Variants in PPP2R2C observed in about 807,000 individuals in gnomAD.
The protein encoded by PPP2R2C is protein phosphatase 2, regulatory subunit B, gamma.
A neutral mutation model predicts 45.3 loss-of-function variants in PPP2R2C; 10 were observed. The ratio of observed to expected loss-of-function variants is 0.22; its 90% confidence interval spans 0.14 to 0.37. PPP2R2C has a LOEUF of 0.37. Among genes scored for constraint, PPP2R2C ranks in the 10% least tolerant of loss-of-function variants. The pLI is 1.00. For missense variants in PPP2R2C, 308 were observed against 619.7 expected, an observed-to-expected ratio of 0.50 and a Z score of 5.34; for synonymous variants, 257 against 245.4, an observed-to-expected ratio of 1.05 and a Z score of -0.44.
At chr4:6,343,088 A>G (rs560347110) in intron 6 of PPP2R2C, among the ~76,000 whole-genome samples, 1 of 152,338 alleles carries the variant, frequency 6.6e-6, no homozygotes, top group Non-Finnish European at 1.5e-5. Flanking sequence ...AATCCCTTTT[A>G]AAAAATTAGC....
chr4:6,493,956 T>G (rs1282907550), intron 2 of PPP2R2C, among the ~76,000 whole-genome samples: 1 of 152,244 alleles, frequency 6.6e-6, no homozygotes, highest in African/African-American at 2.4e-5. Flanking sequence ...TGCGTTGGCC[T>G]TTTTTAATCC....
chr4:6,466,779 G>T (rs529718946), intron 1 of PPP2R2C, among the ~76,000 whole-genome samples: 2 of 152,218 alleles, frequency 1.3e-5, no homozygotes, highest in Non-Finnish European at 2.9e-5. Context: ...AGGAGATGGA[G>T]TGGAAAAATT....
rs552313623 is a variant in PPP2R2C at position 6,440,888 on chromosome 4, G to C, written c.70+31272C>G. Among the ~76,000 whole-genome samples, 175 of 152,222 alleles carry C rather than the reference G, an allele frequency of 1.1e-3. 1 individual carries two copies. Among genetic ancestry groups the C allele is most frequent in the Non-Finnish European group, 2.2e-3 (152 of 67,992 alleles). ...GGAAAGCCAGGAAGGGTGTAGGGAA[G>C]TGGGGCCAGGACATGAAGGAGGCCA... On this transcript the variant is annotated intron_variant, in intron 1 of 8. Coordinates refer to ENST00000382599, the MANE Select transcript of PPP2R2C (RefSeq NM_020416.4).
chr4:6,358,849 G>A (rs1250945608), intron 5 of PPP2R2C, among the ~76,000 whole-genome samples: 2 of 152,138 alleles, frequency 1.3e-5, no homozygotes, highest in Non-Finnish European at 2.9e-5. Flanking sequence ...GAAACAACAG[G>A]TGCTGGAGAG....
intron 1 of PPP2R2C, among the ~76,000 whole-genome samples, chr4:6,540,772 G>A (rs1427043341): frequency 6.6e-6 from 1 of 152,260 alleles, no homozygotes; most frequent in Admixed American, 6.5e-5. Context: ...GCATCAGGGA[G>A]AGACTGATGG....
At chr4:6,437,642 C>G (rs1488427471) in intron 1 of PPP2R2C, among the ~76,000 whole-genome samples, 1 of 152,208 alleles carries the variant, frequency 6.6e-6, no homozygotes, top group Admixed American at 6.5e-5. Context: ...CTTTTAAAGA[C>G]TCACGAATAT....
At chr4:6,442,895 A>G (rs1246610187) in intron 1 of PPP2R2C, among the ~76,000 whole-genome samples, 1 of 152,224 alleles carries the variant, frequency 6.6e-6, no homozygotes, top group African/African-American at 2.4e-5. Context: ...GCTCTGCGTG[A>G]TGAGTTCTGG....
intron 1 of PPP2R2C, among the ~76,000 whole-genome samples, chr4:6,385,669 A>C (rs143194971): frequency 5.6e-4 from 85 of 152,272 alleles, no homozygotes; most frequent in African/African-American, 1.8e-3. Context: ...TCCTAGGTTC[A>C]AGTGATTCTC....
chr4:6,344,853 C>T (rs75552944), intron 6 of PPP2R2C, among the ~76,000 whole-genome samples: 1,570 of 152,128 alleles, frequency 0.01, 26 homozygotes, highest in African/African-American at 0.036. Flanking sequence ...CTGACATGAC[C>T]GAACAATATT....
chr4:6,431,698 C>T (rs1719632977), intron 1 of PPP2R2C, among the ~76,000 whole-genome samples: 1 of 152,206 alleles, frequency 6.6e-6, no homozygotes, highest in African/African-American at 2.4e-5. Flanking sequence ...CACCTCGGGG[C>T]CTGCCTCTGG....
At chr4:6,382,611 G>A (rs937100921) in intron 1 of PPP2R2C, 280 of 928,074 alleles carry the variant, frequency 3.0e-4, no homozygotes, top group Non-Finnish European at 3.9e-4. Flanking sequence ...CCCAAGCCTT[G>A]GAGTTTCTCG....
chr4:6,381,611 T>C (rs1366148395), intron 1 of PPP2R2C: 15 of 1,481,508 alleles, frequency 1.0e-5, no homozygotes, highest in Non-Finnish European at 1.3e-5. Context: ...TCCTTCAGAC[T>C]CCTGCTCTGT....
intron 1 of PPP2R2C, among the ~76,000 whole-genome samples, chr4:6,392,475 G>A (rs1390733195): frequency 1.3e-5 from 2 of 152,196 alleles, no homozygotes; most frequent in Admixed American, 6.5e-5. Flanking sequence ...GGGAGGCCAG[G>A]GAAGACTTCC....
chr4:6,400,181 T>C (rs973049058), intron 1 of PPP2R2C, among the ~76,000 whole-genome samples: 2 of 152,122 alleles, frequency 1.3e-5, no homozygotes, highest in African/African-American at 4.8e-5. Flanking sequence ...CAACTACATA[T>C]CTGTTTGAGG....
At chr4:6,339,143 A>G (rs1370989848) in intron 6 of PPP2R2C, among the ~76,000 whole-genome samples, 1 of 152,258 alleles carries the variant, frequency 6.6e-6, no homozygotes, top group African/African-American at 2.4e-5. Flanking sequence ...TATTGTTCAC[A>G]TGCTCTCTAA....
chr4:6,346,386 C>T (rs1165189795), intron 6 of PPP2R2C, among the ~76,000 whole-genome samples: 1 of 151,930 alleles, frequency 6.6e-6, no homozygotes, highest in Non-Finnish European at 1.5e-5. Flanking sequence ...CACCACCCAC[C>T]CCCTCAGGGT....
At chr4:6,450,090 A>C (rs1458751928) in intron 1 of PPP2R2C, among the ~76,000 whole-genome samples, 1 of 152,186 alleles carries the variant, frequency 6.6e-6, no homozygotes, top group African/African-American at 2.4e-5. Context: ...GACACTGGGT[A>C]TGGTGGAAAT....
chr4:6,461,382 G>C (rs1007272688), intron 1 of PPP2R2C, among the ~76,000 whole-genome samples: 1 of 152,210 alleles, frequency 6.6e-6, no homozygotes, highest in African/African-American at 2.4e-5. Context: ...CTGCAGAGTA[G>C]CCACTGGGCT....
At chr4:6,348,529 G>T in intron 5 of PPP2R2C, 1 of 572,106 alleles carries the variant, frequency 1.7e-6, no homozygotes, top group Non-Finnish European at 2.2e-6. Context: ...CCCGGCACCT[G>T]CTCCCCTTCT....
Sources: allele counts gnomAD v4.1 joint callset (sites outside exome capture counted in the v4.1 genomes callset), GRCh38; gene constraint gnomAD v4.1.1; transcripts MANE v1.5; gene names NCBI Gene and HGNC (gene_info 2026-07-23, HGNC 2026-07-21).